Variants in DNAJA3 observed in about 807,000 individuals in gnomAD.
DNAJA3 encodes the protein dnaJ homolog subfamily A member 3, mitochondrial.
In DNAJA3, 29 loss-of-function variants were observed where a neutral mutation model predicts 54.9. That is an observed-to-expected ratio of 0.53 (90% CI 0.39 to 0.72). The LOEUF is 0.72. DNAJA3 is among the 30% of genes least tolerant of loss of function. DNAJA3 has a pLI of 0.00. For missense variants in DNAJA3, 708 were observed against 639.4 expected (o/e 1.11, Z -1.16); for synonymous variants, 302 against 251.4 (o/e 1.20, Z -1.90).
At chr16:4,448,666 T>A in intron 8 of DNAJA3, 67 bp from the exon 9 acceptor site, 1 of 1,068,598 alleles carries the variant, frequency 9.4e-7, no homozygotes, top group Middle Eastern at 2.0e-4. Context: ...ATTGTCTTCA[T>A]GTAGTGAAAA....
intron 9 of DNAJA3, 195 bp from the exon 10 acceptor site, chr16:4,450,204 GT>G (rs1391899702): frequency 1.9e-6 from 1 of 533,414 alleles, no homozygotes; most frequent in East Asian, 3.0e-5. Flanking sequence ...AGTGTAGGGT[GT>G]TTTAGGAGCT....
intron 10 of DNAJA3, among the ~76,000 whole-genome samples, chr16:4,451,751 T>TGG (rs1251032384): frequency 1.1e-4 from 8 of 72,646 alleles, no homozygotes; most frequent in African/African-American, 5.5e-4. Context: ...TGAGACTCTC[T>TGG]GAAAAAAAAA....
At chr16:4,426,192 T>G in intron 1 of DNAJA3, 100 bp downstream of exon 1, 1 of 1,265,346 alleles carries the variant, frequency 7.9e-7, no homozygotes, top group Non-Finnish European at 1.0e-6. Context: ...GGGTGGAGGG[T>G]GTCTTCCGAC....
chr16:4,446,737 A>G, intron 7 of DNAJA3, 149 bp from the exon 8 acceptor site: 2 of 876,250 alleles, frequency 2.3e-6, no homozygotes, highest in Non-Finnish European at 3.5e-6. Context: ...TCCTTGTTGG[A>G]AGGACAGTTC....
intron 1 of DNAJA3, among the ~76,000 whole-genome samples, chr16:4,426,513 G>A (rs542030194): frequency 6.6e-6 from 1 of 152,370 alleles, no homozygotes; most frequent in East Asian, 1.9e-4. Flanking sequence ...TAAAGAATGA[G>A]AAACTGAGAT....
At position 4,455,555 on chromosome 16, in the gene DNAJA3, C is replaced by T. The variant is rs2057026309; in HGVS notation, c.*23C>T. 4.5e-6 allele frequency: 7 copies of T among 1,551,664 alleles called. No homozygotes were observed. Among genetic ancestry groups the T allele is most frequent in the East Asian group, 2.4e-5 (1 of 40,922 alleles). ...TATCTCTTTGGCTCAGGAAAAAGAT[C>T]CACTGGAAACTAGGCCGGGAAGCAG... On this transcript the variant is annotated 3_prime_UTR_variant, in exon 12 of 12. Coordinates refer to ENST00000262375, the MANE Select transcript of DNAJA3 (RefSeq NM_005147.6).
chr16:4,454,694 C>T (rs1256821884), intron 10 of DNAJA3, 117 bp from the exon 11 acceptor site: 3 of 688,248 alleles, frequency 4.4e-6, no homozygotes, highest in African/African-American at 1.8e-5. Context: ...TGAGGTGGCA[C>T]TTGGCCGCTT....
chr16:4,441,081 A>G (rs1424556640), intron 3 of DNAJA3: 1 of 475,194 alleles, frequency 2.1e-6, no homozygotes. Flanking sequence ...TGAAGAATCC[A>G]GGGTGCCTGT....
chr16:4,431,468 T>G (rs1170790183), intron 1 of DNAJA3: 2 of 152,184 alleles, frequency 1.3e-5, no homozygotes. Context: ...CTATCCATTC[T>G]CCTGTCTGAT....
rs773318528 is a variant in DNAJA3, at chr16:4,454,762, G to GT, written c.1340-48dup. 3 of 1,440,166 alleles carry GT rather than the reference G, an allele frequency of 2.1e-6. No homozygotes were observed. The African/African-American group carries it at 4.2e-5, about 20-fold the overall frequency. 89.2% of individuals were successfully genotyped at this position (1,440,166 alleles called of 1,614,324 possible). A position where few individuals can be genotyped will look rare whatever the true frequency, so the allele number is the denominator to read the frequency against. On this transcript the variant is annotated intron_variant, in intron 10 of 11. Coordinates refer to ENST00000262375, the MANE Select transcript of DNAJA3 (RefSeq NM_005147.6). The stretch of plus-strand genomic sequence containing the variant: ...GGTAGGTGGGCCCTGGGATGTGACT[G>GT]TGGAAGTGCAGGCCCATGACGCCAG...
Position 4,443,073 on chromosome 16 carries a change from C to T in DNAJA3, c.840C>T (p.Gly280=). 6.2e-7 allele frequency: 1 copy of T among 1,613,940 alleles called. No individual in the cohort carries two copies. Among genetic ancestry groups the T allele is most frequent in the Non-Finnish European group, 8.5e-7 (1 of 1,179,992 alleles). Residue 280 remains glycine, a synonymous_variant, in exon 6 of 12, where the codon GGC becomes GGT. Coordinates refer to ENST00000262375, the MANE Select transcript of DNAJA3 (RefSeq NM_005147.6). ...GTTCCACGTGTAGGAGATGTGGTGG[C>T]CGCGGCTCCATCATCATATCGCCCT... is the stretch of plus-strand genomic sequence containing the variant. ...VMRSTCRRCG[G]RGSIIISPCV...
intron 3 of DNAJA3, 168 bp downstream of exon 3, chr16:4,437,653 C>T (rs2056787829): frequency 3.3e-6 from 2 of 600,798 alleles, no homozygotes. Flanking sequence ...GATTCCAGGC[C>T]AAGCATGGTG....
intron 7 of DNAJA3, 99 bp downstream of exon 7, chr16:4,444,827 T>G: frequency 9.0e-7 from 1 of 1,107,192 alleles, no homozygotes. Context: ...CACAGGAACA[T>G]GTCTCGCCAT....
chr16:4,452,464 C>A (rs187881817), intron 10 of DNAJA3, among the ~76,000 whole-genome samples: 146 of 152,240 alleles, frequency 9.6e-4, no homozygotes, highest in African/African-American at 3.2e-3. Flanking sequence ...CTCTCTGATA[C>A]TGTAAGTTGA....
intron 7 of DNAJA3, among the ~76,000 whole-genome samples, chr16:4,445,915 C>T (rs1197817564): frequency 6.6e-6 from 1 of 150,776 alleles, no homozygotes; most frequent in Admixed American, 6.7e-5. Flanking sequence ...ATTTACTCTT[C>T]CCTTTTTTTT....
intron 1 of DNAJA3, among the ~76,000 whole-genome samples, chr16:4,428,335 G>A (rs1370878015): frequency 6.6e-6 from 1 of 152,174 alleles, no homozygotes; most frequent in African/African-American, 2.4e-5. Flanking sequence ...AGCCTCCCAA[G>A]ATGCTGGGCT....
chr16:4,441,436 C>A lies in DNAJA3; in HGVS notation c.491C>A (p.Pro164His), dbSNP rs1227532013. Residue 164 changes from proline to histidine, a missense_variant, in exon 4 of 12, where the codon CCT becomes CAT. Physicochemically the swap from Pro to His is moderately conservative, Grantham distance 77. Coordinates refer to ENST00000262375, the MANE Select transcript of DNAJA3 (RefSeq NM_005147.6). ...YDAYGSAGFDPGASGSQHSYW... is the reference protein window; with the variant it reads ...YDAYGSAGFDHGASGSQHSYW... The stretch of plus-strand genomic sequence containing the variant: ...GCCTACGGCTCTGCAGGCTTCGATC[C>A]TGGGGCCAGCGGCTCCCAGCATAGC... 6.2e-7 allele frequency: 1 copy of A among 1,614,046 alleles called. No homozygotes were observed.
At position 4,443,123 on chromosome 16, in the gene DNAJA3, A is replaced by G. The variant is rs2141384009; in HGVS notation, c.890A>G (p.Gln297Arg). 1 of 1,614,026 alleles carries G rather than the reference A, an allele frequency of 6.2e-7. No individual in the cohort carries two copies. Among genetic ancestry groups the G allele is most frequent in the South Asian group, 1.1e-5 (1 of 91,076 alleles). ...SPCVVCRGAGQAKQKKRVMIP... is the reference protein window; with the variant it reads ...SPCVVCRGAGRAKQKKRVMIP... ...TGTGTGGTCTGCAGGGGAGCAGGAC[A>G]AGCCAAGCAGAAAAAGCGAGTGATG... is the stretch of plus-strand genomic sequence containing the variant. The change falls in exon 6 of 12, where the codon CAA becomes CGA. Residue 297 changes from glutamine (Q) to arginine (R), a missense_variant. Gln to Arg is a conservative substitution (Grantham distance 43). Coordinates refer to ENST00000262375, the MANE Select transcript of DNAJA3 (RefSeq NM_005147.6).
Position 4,446,931 on chromosome 16 carries a change from T to C in DNAJA3, c.1042T>C (p.Ser348Pro). The change falls in exon 8 of 12, where the codon TCC becomes CCC. Residue 348 changes from serine (S) to proline (P), a missense_variant. Ser to Pro is a moderately conservative substitution (Grantham distance 74). Coordinates refer to ENST00000262375, the MANE Select transcript of DNAJA3 (RefSeq NM_005147.6). ...VFRRDGADIH[S>P]DLFISIAQAL... is the part of the protein sequence containing the mutation. ...CCGGAGGGACGGCGCAGACATCCAC[T>C]CCGACCTCTTTATTTCTATAGCTCA... The C allele has an allele frequency of 6.2e-7, 1 of 1,614,136 alleles. No individual in the cohort carries two copies. The highest frequency in any genetic ancestry group is 8.5e-7 in the Non-Finnish European group (1 of 1,180,030).
Sources: gnomAD v4.1 joint callset for allele counts (sites outside exome capture counted in the v4.1 genomes callset) on GRCh38, gnomAD v4.1.1 for gene constraint, MANE v1.5 for transcripts, NCBI Gene and HGNC (gene_info 2026-07-23, HGNC 2026-07-21) for gene names.